Variants in PTPN20 observed in about 807,000 individuals in gnomAD.
PTPN20 encodes tyrosine-protein phosphatase non-receptor type 20.
A neutral mutation model predicts 35.0 loss-of-function variants in PTPN20; 9 were observed. That is an observed-to-expected ratio of 0.26 (90% CI 0.15 to 0.45). The LOEUF is 0.45. Among genes scored for constraint, PTPN20 ranks in the 20% least tolerant of loss-of-function variants. The pLI is 1.00. For missense variants in PTPN20, 111 were observed against 312.5 expected (o/e 0.36, Z 4.86); for synonymous variants, 32 against 100.2 (o/e 0.32, Z 4.06).
At chr10:46,997,635 C>G in intron 9 of PTPN20, among the ~76,000 whole-genome samples, 1 of 148,782 alleles carries the variant, frequency 6.7e-6, no homozygotes, top group Non-Finnish European at 1.5e-5. Flanking sequence ...AAAAAACAAG[C>G]TAGAGAGTAA....
Position 46,948,148 on chromosome 10 carries a change from AG to A in PTPN20, c.340+1474del, listed in dbSNP as rs2045571608. On this transcript the variant is annotated intron_variant, in intron 5 of 10. Coordinates refer to ENST00000374339, the MANE Select transcript of PTPN20 (RefSeq NM_001042357.5). ...ACTGATTCCTTTCTTGGTTGTGTCAAGTCTACTAATGAACCCATTGAAAGCA... is the reference window on the plus strand; with the variant it reads ...ACTGATTCCTTTCTTGGTTGTGTCAATCTACTAATGAACCCATTGAAAGCA... 7.2e-5 allele frequency among the ~76,000 whole-genome samples: 11 copies of A among 152,192 alleles called. No individual in the cohort carries two copies. In the South Asian group the frequency reaches 2.3e-3, roughly 32 times the overall value.
intron 2 of PTPN20, among the ~76,000 whole-genome samples, chr10:46,939,658 A>C (rs1555131841): frequency 3.3e-5 from 5 of 151,528 alleles, no homozygotes; most frequent in Non-Finnish European, 7.4e-5. Context: ...GATTGAATAC[A>C]AAACTCATTT....
At chr10:46,927,908 A>G (rs1357204171) in intron 1 of PTPN20, among the ~76,000 whole-genome samples, 5 of 151,726 alleles carry the variant, frequency 3.3e-5, no homozygotes, top group Admixed American at 6.6e-5. Context: ...ACAAATGGAC[A>G]AACAGATCGA....
intron 5 of PTPN20, among the ~76,000 whole-genome samples, chr10:46,947,212 G>GTGTA (rs2045129635): frequency 7.7e-6 from 1 of 129,850 alleles, no homozygotes; most frequent in African/African-American, 2.8e-5. Context: ...ATGTGTATGT[G>GTGTA]TATATATATA....
At chr10:46,944,534 C>CA (rs2044135720) in intron 4 of PTPN20, among the ~76,000 whole-genome samples, 1 of 90,680 alleles carries the variant, frequency 1.1e-5, no homozygotes, top group African/African-American at 6.7e-5. Flanking sequence ...GTGTTATAAG[C>CA]AAAAACATCA....
chr10:46,994,242 C>G (rs1479895734), intron 9 of PTPN20, among the ~76,000 whole-genome samples: 1 of 150,044 alleles, frequency 6.7e-6, no homozygotes, highest in East Asian at 1.9e-4. Flanking sequence ...TCTCTTTATC[C>G]TTGAGCTTTG....
At chr10:47,000,052 AG>A in intron 10 of PTPN20, 78 bp downstream of exon 10, 1 of 1,586,172 alleles carries the variant, frequency 6.3e-7, no homozygotes, top group East Asian at 2.2e-5. Context: ...ACCACTTAAA[AG>A]CTCTTTTATT....
chr10:46,946,973 G>A, intron 5 of PTPN20: 1 of 351,488 alleles, frequency 2.8e-6, no homozygotes, highest in African/African-American at 2.2e-5. Flanking sequence ...AAAATAACCT[G>A]CTTCCTTATT....
chr10:46,920,413 G>A (rs1565397152), intron 1 of PTPN20, among the ~76,000 whole-genome samples: 1 of 142,812 alleles, frequency 7.0e-6, no homozygotes, highest in Non-Finnish European at 1.5e-5. Context: ...GTGTTCTTGG[G>A]CAGAAATGTG....
chr10:46,948,049 A>G (rs2045524062), intron 5 of PTPN20: 1 of 416,022 alleles, frequency 2.4e-6, no homozygotes. Flanking sequence ...GTTGCTTTTT[A>G]CTTTTCTTTT....
rs1444470180 is a variant in PTPN20, at chr10:47,001,928, T to G, written c.*1187T>G. On this transcript the variant is annotated 3_prime_UTR_variant, in exon 11 of 11. Transcript: ENST00000374339. ...TAATTATAAGCTATAAAACAATAGA[T>G]ATGAGTGTTTGTACAGTTTAACTCA... The G allele has an allele frequency of 2.0e-5, 3 of 152,126 alleles. No homozygotes were observed. Among genetic ancestry groups the G allele is most frequent in the Non-Finnish European group, 4.4e-5 (3 of 67,988 alleles). The allele number at this position is 152,126 out of a possible 1,614,324, so 9.4% of individuals were successfully genotyped here. A position where few individuals can be genotyped will look rare whatever the true frequency, so the allele number is the denominator to read the frequency against.
At chr10:46,944,841 C>A (rs1397848793) in intron 4 of PTPN20, among the ~76,000 whole-genome samples, 4 of 147,906 alleles carry the variant, frequency 2.7e-5, no homozygotes, top group Non-Finnish European at 5.9e-5. Flanking sequence ...ATATAAAAGA[C>A]AAATTGATGT....
intron 5 of PTPN20, among the ~76,000 whole-genome samples, chr10:46,947,056 C>A (rs1471183595): frequency 7.0e-6 from 1 of 142,606 alleles, no homozygotes; most frequent in East Asian, 2.2e-4. Flanking sequence ...TACAAATTAT[C>A]ACATGTTTAT....
rs1268259154 is a variant in PTPN20 at position 47,001,386 on chromosome 10, C to T, written c.*645C>T. The T allele has an allele frequency of 2.6e-5, 4 of 153,138 alleles. No individual in the cohort carries two copies. Among genetic ancestry groups the T allele is most frequent in the African/African-American group, 7.3e-5 (3 of 41,342 alleles). 9.5% of individuals were successfully genotyped at this position (153,138 alleles called of 1,614,324 possible). A position where few individuals can be genotyped will look rare whatever the true frequency, so the allele number is the denominator to read the frequency against. ...AAGCATTTCATGGATAGGGAGAGCTCCTCTCGGTGAACAGTCCAAAACTAA... is the reference window on the plus strand; with the variant it reads ...AAGCATTTCATGGATAGGGAGAGCTTCTCTCGGTGAACAGTCCAAAACTAA... On this transcript the variant is annotated 3_prime_UTR_variant, in exon 11 of 11. Transcript: ENST00000374339.
At chr10:46,993,209 C>G (rs2058341397) in intron 9 of PTPN20, among the ~76,000 whole-genome samples, 1 of 152,160 alleles carries the variant, frequency 6.6e-6, no homozygotes, top group Non-Finnish European at 1.5e-5. Flanking sequence ...TAGCGATGAT[C>G]CCCTGCCAGG....
chr10:46,935,823 A>T (rs1333244330), intron 2 of PTPN20, among the ~76,000 whole-genome samples: 3 of 152,232 alleles, frequency 2.0e-5, no homozygotes, highest in Non-Finnish European at 4.4e-5. Context: ...ATAGCCAGTG[A>T]TGTGATTGCT....
intron 2 of PTPN20, among the ~76,000 whole-genome samples, chr10:46,936,173 A>G (rs1435739379): frequency 1.3e-5 from 2 of 151,956 alleles, no homozygotes; most frequent in African/African-American, 4.8e-5. Flanking sequence ...TTGTTCATTT[A>G]TAAGTTCATT....
chr10:47,001,028 G>C lies in PTPN20; in HGVS notation c.*287G>C. The C allele has an allele frequency of 2.0e-6, 1 of 489,432 alleles. No homozygotes were observed. 30.3% of individuals were successfully genotyped at this position (489,432 alleles called of 1,614,324 possible). On this transcript the variant is annotated 3_prime_UTR_variant, in exon 11 of 11. Coordinates refer to ENST00000374339, the MANE Select transcript of PTPN20 (RefSeq NM_001042357.5). Reference sequence around the variant, plus strand: ...TGCAGCTTGGCTATTTGGTTGAAGGGATTACAGAGCCCAATAAAGGATTTA... The same window carrying C: ...TGCAGCTTGGCTATTTGGTTGAAGGCATTACAGAGCCCAATAAAGGATTTA...
intron 2 of PTPN20, among the ~76,000 whole-genome samples, 190 bp downstream of exon 2, chr10:46,932,723 A>G (rs2040145083): frequency 6.6e-6 from 1 of 151,494 alleles, no homozygotes; most frequent in Middle Eastern, 3.4e-3. Flanking sequence ...TAGAGTAACA[A>G]CAATTAAACT....
Sources: gnomAD v4.1 joint callset for allele counts (sites outside exome capture counted in the v4.1 genomes callset) on GRCh38, gnomAD v4.1.1 for gene constraint, MANE v1.5 for transcripts, NCBI Gene and HGNC (gene_info 2026-07-23, HGNC 2026-07-21) for gene names.